Variants in ZHX3 observed in about 807,000 individuals in gnomAD.
The protein encoded by ZHX3 is zinc fingers and homeoboxes protein 3.
ZHX3 carries 20 observed loss-of-function variants against 64.5 expected under a neutral mutation model. That is an observed-to-expected ratio of 0.31 (90% CI 0.22 to 0.45). The LOEUF (loss-of-function observed/expected upper bound fraction) is 0.45, where lower values mean the gene tolerates loss of function less well. Ranked by LOEUF, ZHX3 falls within the 20% of genes least tolerant of loss-of-function variation. ZHX3 has a pLI of 1.00. For missense variants in ZHX3, 1,041 were observed against 1,195.8 expected, an observed-to-expected ratio of 0.87 and a Z score of 1.91; for synonymous variants, 423 against 461.6, an observed-to-expected ratio of 0.92 and a Z score of 1.07.
rs1283065147 is a variant in ZHX3, at chr20:41,185,316, C to A, written c.2861-115G>T. 3.2e-6 allele frequency: 4 copies of A among 1,266,932 alleles called. No individual in the cohort carries two copies. Among genetic ancestry groups the A allele is most frequent in the African/African-American group, 3.0e-5 (2 of 66,616 alleles). The allele number at this position is 1,266,932 out of a possible 1,614,324, so 78.5% of individuals were successfully genotyped here. On this transcript the variant is annotated intron_variant, in intron 3 of 3. Coordinates refer to ENST00000683867, the MANE Select transcript of ZHX3 (RefSeq NM_001384317.1). The surrounding 1 kb of genome is among the most constrained non-coding windows in gnomAD (Gnocchi z 5.0). ...CACTGGCTTTGAGGACCTCTTAATT[C>A]CATGAGCAATGAATGGCCTTCTGCC...
In ZHX3 at chr20:41,202,129, A is replaced by T. The variant is rs2038274925; in HGVS notation, c.2788T>A (p.Trp930Arg). The T allele has an allele frequency of 1.9e-6, 3 of 1,613,938 alleles. No individual in the cohort carries two copies. Among genetic ancestry groups the T allele is most frequent in the Non-Finnish European group, 2.5e-6 (3 of 1,180,004 alleles). Residue 930 changes from tryptophan to arginine, a missense_variant, in exon 3 of 4, where the codon TGG (tryptophan) becomes AGG (arginine). Physicochemically the swap from Trp to Arg is moderately radical, Grantham distance 101. Coordinates refer to ENST00000683867, the MANE Select transcript of ZHX3 (RefSeq NM_001384317.1). This position sits in a 1 kb window ranked among gnomAD's most constrained non-coding sequence, Gnocchi z 7.0. ...YSEVSENSESWEPRVPEASSE... is the reference protein window; with the variant it reads ...YSEVSENSESREPRVPEASSE... ...CTGGCCTCAGGGACACGGGGCTCCC[A>T]CGACTCACTGTTCTCAGACACCTCT...
chr20:41,235,153 G>A (rs915145908), intron 2 of ZHX3, among the ~76,000 whole-genome samples: 1 of 152,086 alleles, frequency 6.6e-6, no homozygotes, highest in Admixed American at 6.6e-5. Context: ...ACATGGCTGG[G>A]AGTGGGGGGT....
chr20:41,189,501 GTTTC>G (rs758090884), intron 3 of ZHX3, among the ~76,000 whole-genome samples: 35 of 152,132 alleles, frequency 2.3e-4, no homozygotes, highest in Admixed American at 9.2e-4. Context: ...GTCCTCTTCA[GTTTC>G]TTTCATCAGT....
At chr20:41,244,621 G>A (rs2041582579) in intron 2 of ZHX3, among the ~76,000 whole-genome samples, 1 of 152,258 alleles carries the variant, frequency 6.6e-6, no homozygotes, top group East Asian at 1.9e-4. Flanking sequence ...ACATTTATAA[G>A]TGGAGAGGAT....
chr20:41,313,797 C>G (rs941711968), intron 1 of ZHX3, among the ~76,000 whole-genome samples: 1 of 152,084 alleles, frequency 6.6e-6, no homozygotes, highest in Non-Finnish European at 1.5e-5. Flanking sequence ...GGGGTTTCAC[C>G]GTGTTAGCCA....
At chr20:41,276,115 A>G (rs1600598729) in intron 1 of ZHX3, among the ~76,000 whole-genome samples, 1 of 152,182 alleles carries the variant, frequency 6.6e-6, no homozygotes, top group African/African-American at 2.4e-5. Context: ...TGGGCCCCTC[A>G]AACCCAGAGC....
At chr20:41,293,113 C>T (rs1383791280) in intron 1 of ZHX3, among the ~76,000 whole-genome samples, 1 of 152,136 alleles carries the variant, frequency 6.6e-6, no homozygotes. Flanking sequence ...TACCCAAATA[C>T]CAAAGGATTT....
intron 2 of ZHX3, among the ~76,000 whole-genome samples, chr20:41,217,776 G>A (rs2039631742): frequency 6.6e-6 from 1 of 152,198 alleles, no homozygotes; most frequent in African/African-American, 2.4e-5. Flanking sequence ...GTATTGAGGA[G>A]CTATCGAGCA....
intron 2 of ZHX3, among the ~76,000 whole-genome samples, chr20:41,255,291 A>T (rs2042190661): frequency 6.6e-6 from 1 of 152,056 alleles, no homozygotes; most frequent in Non-Finnish European, 1.5e-5. Flanking sequence ...AGCTGGGACT[A>T]CAGGCGCCCG....
chr20:41,283,943 T>C (rs142548824), intron 1 of ZHX3, among the ~76,000 whole-genome samples: 1 of 152,304 alleles, frequency 6.6e-6, no homozygotes, highest in Non-Finnish European at 1.5e-5. Context: ...CTTTTTACTC[T>C]CTGTACTTCT....
intron 1 of ZHX3, among the ~76,000 whole-genome samples, chr20:41,282,673 G>A (rs945552492): frequency 6.6e-6 from 1 of 152,032 alleles, no homozygotes; most frequent in African/African-American, 2.4e-5. Context: ...TTCATCTTTC[G>A]ATGCCTCTAA....
intron 2 of ZHX3, among the ~76,000 whole-genome samples, chr20:41,206,146 C>T (rs191017967): frequency 4.7e-4 from 71 of 152,294 alleles, no homozygotes; most frequent in Non-Finnish European, 7.8e-4. Flanking sequence ...CCCATCTGGA[C>T]GCCACCATCA....
chr20:41,180,634 C>T lies in ZHX3; in HGVS notation c.*4557G>A, dbSNP rs1482870853. ...CAAGGCCAGACGCTCTCTGTACTCCCATTAACTTCACAACCAAGTGCAGAC... is the reference window on the plus strand; with the variant it reads ...CAAGGCCAGACGCTCTCTGTACTCCTATTAACTTCACAACCAAGTGCAGAC... On this transcript the variant is annotated 3_prime_UTR_variant, in exon 4 of 4. Transcript: ENST00000683867. 2.0e-5 allele frequency: 3 copies of T among 152,278 alleles called. No individual in the cohort carries two copies. The highest frequency in any genetic ancestry group is 4.4e-5 in the Non-Finnish European group (3 of 68,094). 9.4% of individuals were successfully genotyped at this position (152,278 alleles called of 1,614,324 possible). A position where few individuals can be genotyped will look rare whatever the true frequency, so the allele number is the denominator to read the frequency against.
intron 3 of ZHX3, among the ~76,000 whole-genome samples, chr20:41,187,413 CT>C (rs1600700746): frequency 6.7e-6 from 1 of 148,820 alleles, no homozygotes; most frequent in African/African-American, 2.5e-5. Context: ...ATAGCTTTAG[CT>C]TTTTTTAGTT....
chr20:41,196,754 G>T, intron 3 of ZHX3: 1 of 182,110 alleles, frequency 5.5e-6, no homozygotes, highest in Non-Finnish European at 1.2e-5. Context: ...AGGCCAAGAA[G>T]GCAGTGCTGA....
chr20:41,269,455 T>C (rs2043019528), intron 1 of ZHX3: 1 of 152,210 alleles, frequency 6.6e-6, no homozygotes, highest in African/African-American at 2.4e-5. Context: ...TTTTCTGATG[T>C]TCTTCCATTC....
chr20:41,305,482 G>T (rs1202013642), intron 1 of ZHX3, among the ~76,000 whole-genome samples: 1 of 149,804 alleles, frequency 6.7e-6, no homozygotes. Context: ...ACAGAGCAAG[G>T]CCCTGTCTCA....
Position 41,180,248 on chromosome 20 carries a change from G to T in ZHX3, c.*4943C>A, listed in dbSNP as rs2036199514. ...CCACGAAAGCCAAATTCTCAGGGCT[G>T]TGGAAGCTTTGGACCAGCAACAACA... On this transcript the variant is annotated 3_prime_UTR_variant, in exon 4 of 4. Transcript: ENST00000683867. 1 of 152,740 alleles carries T rather than the reference G, an allele frequency of 6.5e-6. No individual in the cohort carries two copies. The highest frequency in any genetic ancestry group is 2.4e-5 in the African/African-American group (1 of 41,470). 9.5% of individuals were successfully genotyped at this position (152,740 alleles called of 1,614,324 possible). A position where few individuals can be genotyped will look rare whatever the true frequency, so the allele number is the denominator to read the frequency against.
intron 2 of ZHX3, among the ~76,000 whole-genome samples, chr20:41,267,950 T>C (rs1024419415): frequency 6.6e-6 from 1 of 152,238 alleles, no homozygotes; most frequent in Admixed American, 6.5e-5. Context: ...ATAAAGCCAC[T>C]AAACAGTTTT....
Sources: gnomAD v4.1 joint callset for allele counts (sites outside exome capture counted in the v4.1 genomes callset) on GRCh38, gnomAD v4.1.1 for gene constraint, Gnocchi (gnomAD v3.1) non-coding constraint, MANE v1.5 for transcripts, NCBI Gene and HGNC (gene_info 2026-07-23, HGNC 2026-07-21) for gene names.